The following AP5B1 variants were observed in gnomAD, a reference collection of about 807,000 sequenced individuals.
AP5B1 encodes the protein adaptor related protein complex 5 subunit beta 1.
Under a neutral mutation model 5.7 loss-of-function variants are expected in AP5B1, and 3 were observed. That is an observed-to-expected ratio of 0.53 (90% confidence interval 0.24 to 1.36). The LOEUF is 1.36. Among genes scored for constraint, AP5B1 ranks in the 40% most tolerant of loss-of-function variants. The pLI, the probability that AP5B1 is intolerant of heterozygous loss-of-function variation, is 0.17. For synonymous variants in AP5B1, 696 were observed against 555.5 expected (o/e 1.25, Z -3.56); for missense variants, 1,310 against 1,143.2 (o/e 1.15, Z -2.10).
rs939595438 is a variant in AP5B1, at chr11:65,777,850, C to A, written c.*6G>T. On this transcript the variant is annotated 3_prime_UTR_variant, in exon 2 of 2. Coordinates refer to ENST00000532090, the MANE Select transcript of AP5B1 (RefSeq NM_138368.5). ...ACAGTCCTGCCCCCACCTGGTCTCC[C>A]GGGGCTCAGACAGCAGCCGCCAGCC... is the stretch of plus-strand genomic sequence containing the variant. 21 of 1,514,482 alleles carry A rather than the reference C, an allele frequency of 1.4e-5. No homozygotes were observed. The highest frequency in any genetic ancestry group is 1.8e-5 in the Non-Finnish European group (20 of 1,128,108). The allele number at this position is 1,514,482 out of a possible 1,614,324, so 93.8% of individuals were successfully genotyped here.
At position 65,777,869 on chromosome 11, in the gene AP5B1, G is replaced by T; in HGVS notation, c.2624C>A (p.Ala875Glu). 6.5e-7 allele frequency: 1 copy of T among 1,528,216 alleles called. No homozygotes were observed. 94.7% of individuals were successfully genotyped at this position (1,528,216 alleles called of 1,614,324 possible). A position where few individuals can be genotyped will look rare whatever the true frequency, so the allele number is the denominator to read the frequency against. ...PLAGDYLRGL[A>E]AAV is the part of the protein sequence containing the mutation. ...GTCTCCCGGGGCTCAGACAGCAGCC[G>T]CCAGCCCACGGAGGTAGTCCCCCGC... Residue 875 changes from alanine (A) to glutamate (E), a missense_variant, in exon 2 of 2, where the codon GCG (alanine) becomes GAG (glutamate). Physicochemically the swap from Ala to Glu is moderately radical, Grantham distance 107. Coordinates refer to ENST00000532090, the MANE Select transcript of AP5B1 (RefSeq NM_138368.5).
chr11:65,778,932 C>T lies in AP5B1; in HGVS notation c.1561G>A (p.Val521Met). 1 of 1,613,010 alleles carries T rather than the reference C, an allele frequency of 6.2e-7. No homozygotes were observed. Among genetic ancestry groups the T allele is most frequent in the Non-Finnish European group, 8.5e-7 (1 of 1,179,802 alleles). ...VDSELREPLK[V>M]VLRQVVVSRP... Reference sequence around the variant, plus strand: ...GACACCACCACCTGCCGCAACACCACCTTCAGGGGCTCCCTCAGCTCAGAG... The same window carrying T: ...GACACCACCACCTGCCGCAACACCATCTTCAGGGGCTCCCTCAGCTCAGAG... The change falls in exon 2 of 2, where the codon GTG (valine) becomes ATG (methionine). Residue 521 changes from valine to methionine, a missense_variant. Transcript: ENST00000532090.
Position 65,780,783 on chromosome 11 carries a change from GC to G in AP5B1, c.-193del, listed in dbSNP as rs970389075. 2.1e-6 allele frequency: 1 copy of G among 472,480 alleles called. No individual in the cohort carries two copies. The highest frequency in any genetic ancestry group is 3.3e-6 in the Non-Finnish European group (1 of 299,778). The allele number at this position is 472,480 out of a possible 1,614,324, so 29.3% of individuals were successfully genotyped here. On this transcript the variant is annotated 5_prime_UTR_variant, in exon 1 of 2. Coordinates refer to ENST00000532090, the MANE Select transcript of AP5B1 (RefSeq NM_138368.5). ...GCCGACGCCAGAGCTGGGCGCCGGG[GC>G]CCTCGCGGGACAGGACAGGAGCAGG...
Position 65,775,245 on chromosome 11 carries a change from T to C in AP5B1, c.*2611A>G, listed in dbSNP as rs879430955. ...CATCTGGTGTCCACAACTGGAGGAA[T>C]GGATGGATAAAATGGGATGGATGCA... On this transcript the variant is annotated 3_prime_UTR_variant, in exon 2 of 2. Transcript: ENST00000532090. 6.6e-6 allele frequency among the ~76,000 whole-genome samples: 1 copy of C among 152,052 alleles called. No homozygotes were observed. The highest frequency in any genetic ancestry group is 2.4e-5 in the African/African-American group (1 of 41,384).
In AP5B1 at chr11:65,776,496, G is replaced by GC. The variant is rs1234411099; in HGVS notation, c.*1359dup. ...AGAGCTGTTGCAAGGATGAAATGAG[G>GC]CAACGTACATGTGCCTGGCAGCACA... is the stretch of plus-strand genomic sequence containing the variant. On this transcript the variant is annotated 3_prime_UTR_variant, in exon 2 of 2. Coordinates refer to ENST00000532090, the MANE Select transcript of AP5B1 (RefSeq NM_138368.5). 1 of 152,082 alleles carries GC rather than the reference G, an allele frequency of 6.6e-6. No homozygotes were observed. The highest frequency in any genetic ancestry group is 1.5e-5 in the Non-Finnish European group (1 of 68,022). 9.4% of individuals were successfully genotyped at this position (152,082 alleles called of 1,614,324 possible). A position where few individuals can be genotyped will look rare whatever the true frequency, so the allele number is the denominator to read the frequency against.
Position 65,779,702 on chromosome 11 carries a change from G to GCC in AP5B1, c.789_790dup (p.Ala264GlyfsTer9). On this transcript the variant is annotated frameshift_variant, in exon 2 of 2. Coordinates refer to ENST00000532090, the MANE Select transcript of AP5B1 (RefSeq NM_138368.5). LOFTEE classifies it low-confidence loss of function (END_TRUNC). ...GATCACCGCAGCCCGCAGCTCCCGCGCCTCCTCAGGGCTGTGCTCTCGTGC... is the reference window on the plus strand; with the variant it reads ...GATCACCGCAGCCCGCAGCTCCCGCGCCCCTCCTCAGGGCTGTGCTCTCGTGC... The GCC allele has an allele frequency of 6.2e-7, 1 of 1,611,936 alleles. No individual in the cohort carries two copies. The highest frequency in any genetic ancestry group is 8.5e-7 in the Non-Finnish European group (1 of 1,179,390).
Position 65,779,219 on chromosome 11 carries a change from T to C in AP5B1, c.1274A>G (p.Glu425Gly). 1 of 1,603,360 alleles carries C rather than the reference T, an allele frequency of 6.2e-7. No individual in the cohort carries two copies. The highest frequency in any genetic ancestry group is 1.3e-5 in the African/African-American group (1 of 74,842). Residue 425 changes from glutamate to glycine, a missense_variant, in exon 2 of 2, where the codon GAG (glutamate) becomes GGG (glycine). Physicochemically the swap from Glu to Gly is moderately conservative, Grantham distance 98. Coordinates refer to ENST00000532090, the MANE Select transcript of AP5B1 (RefSeq NM_138368.5). Reference sequence around the variant, plus strand: ...CTGGCCTTTCTCCTCTTCTTCCTCCTCGGCACAGAGCAGGCACAGTAAATG... The same window carrying C: ...CTGGCCTTTCTCCTCTTCTTCCTCCCCGGCACAGAGCAGGCACAGTAAATG... ...RLHLLCLLCA[E>G]EEEEEKGQLP...
In AP5B1 at chr11:65,780,410, C is replaced by T. The variant is rs930675146; in HGVS notation, c.150+32G>A. The T allele has an allele frequency of 1.9e-5, 28 of 1,469,712 alleles. No homozygotes were observed. The African/African-American group carries it at 3.8e-4, about 20-fold the overall frequency. 91.0% of individuals were successfully genotyped at this position (1,469,712 alleles called of 1,614,324 possible). Reference sequence around the variant, plus strand: ...GACGCGGCGGGCTGGGGTGACCCTGCGGAACGGCGCAGGGGACGCGTGGGG... The same window carrying T: ...GACGCGGCGGGCTGGGGTGACCCTGTGGAACGGCGCAGGGGACGCGTGGGG... On this transcript the variant is annotated intron_variant, in intron 1 of 1. Coordinates refer to ENST00000532090, the MANE Select transcript of AP5B1 (RefSeq NM_138368.5).
In AP5B1 at chr11:65,779,799, C is replaced by T. The variant is rs1163716663; in HGVS notation, c.694G>A (p.Asp232Asn). 6.3e-7 allele frequency: 1 copy of T among 1,583,436 alleles called. No individual in the cohort carries two copies. Among genetic ancestry groups the T allele is most frequent in the Non-Finnish European group, 8.6e-7 (1 of 1,165,338 alleles). ...PWDWTLVEEGDGRLQPQAPSW... is the reference protein window; with the variant it reads ...PWDWTLVEEGNGRLQPQAPSW... ...GGTGCCTGGGGCTGAAGGCGTCCAT[C>T]GCCCTCCTCCACTAGTGTCCAATCC... The change falls in exon 2 of 2, where the codon GAT becomes AAT. Residue 232 changes from aspartate to asparagine, a missense_variant. By Grantham distance (23) the Asp-to-Asn change is conservative. Coordinates refer to ENST00000532090, the MANE Select transcript of AP5B1 (RefSeq NM_138368.5).
chr11:65,778,646 T>C lies in AP5B1; in HGVS notation c.1847A>G (p.Tyr616Cys). The change falls in exon 2 of 2, where the codon TAC becomes TGC. Residue 616 changes from tyrosine to cysteine, a missense_variant. Physicochemically the swap from Tyr to Cys is radical, Grantham distance 194 (BLOSUM62 -2). Transcript: ENST00000532090. ...TGCTGCCAGGTGTGCCAGCAGGATGTAGTAGAGGCGGGCGTGGTCACGCCC... is the reference window on the plus strand; with the variant it reads ...TGCTGCCAGGTGTGCCAGCAGGATGCAGTAGAGGCGGGCGTGGTCACGCCC... ...PDGRDHARLY[Y>C]ILLAHLAAPK... The C allele has an allele frequency of 6.3e-7, 1 of 1,594,258 alleles. No individual in the cohort carries two copies.
Position 65,780,218 on chromosome 11 carries a change from A to G in AP5B1, c.275T>C (p.Leu92Pro), listed in dbSNP as rs1857832085. ...LVLLPPRPSA[L>P]RRPLLLAATT... ...GGCCGCCAGCAGCAGTGGCCGACGGAGAGCTGAGGGCCGCGGGGGTAGGAG... is the reference window on the plus strand; with the variant it reads ...GGCCGCCAGCAGCAGTGGCCGACGGGGAGCTGAGGGCCGCGGGGGTAGGAG... Residue 92 changes from leucine (L) to proline (P), a missense_variant, in exon 2 of 2, where the codon CTC becomes CCC. Physicochemically the swap from Leu to Pro is moderately conservative, Grantham distance 98 (BLOSUM62 -3). Transcript: ENST00000532090. 4 of 1,508,004 alleles carry G rather than the reference A, an allele frequency of 2.7e-6. No homozygotes were observed. The highest frequency in any genetic ancestry group is 3.5e-6 in the Non-Finnish European group (4 of 1,131,512). 93.4% of individuals were successfully genotyped at this position (1,508,004 alleles called of 1,614,324 possible). A position where few individuals can be genotyped will look rare whatever the true frequency, so the allele number is the denominator to read the frequency against.
At position 65,779,029 on chromosome 11, in the gene AP5B1, G is replaced by C; in HGVS notation, c.1464C>G (p.His488Gln). ...GQPTVLTPLI[H>Q]GLAQLYQARP... is the part of the protein sequence containing the mutation. ...GGGCTTGGTACAGCTGGGCCAGTCC[G>C]TGGATCAAGGGGGTCAGCACCGTAG... The change falls in exon 2 of 2, where the codon CAC becomes CAG. Residue 488 changes from histidine (H) to glutamine (Q), a missense_variant. By Grantham distance (24) the His-to-Gln change is conservative. Transcript: ENST00000532090. 3.1e-6 allele frequency: 5 copies of C among 1,607,588 alleles called. 1 individual carries two copies. The South Asian group carries it at 5.5e-5, about 18-fold the overall frequency.
Position 65,779,920 on chromosome 11 carries a change from G to A in AP5B1, c.573C>T (p.Leu191=), listed in dbSNP as rs747220886. Residue 191 remains leucine, a synonymous_variant, in exon 2 of 2, where the codon CTC becomes CTT. Transcript: ENST00000532090. ...PVQPLSLLLA[L]ALRNTLVLQS... The stretch of plus-strand genomic sequence containing the variant: ...GGAGCACCAAGGTGTTGCGCAAAGC[G>A]AGGGCCAGCAACAGGCTGAGTGGCT... The A allele has an allele frequency of 1.9e-5, 31 of 1,590,772 alleles. No individual in the cohort carries two copies. Among genetic ancestry groups the A allele is most frequent in the Non-Finnish European group, 2.5e-5 (29 of 1,168,772 alleles).
rs1281464307 is a variant in AP5B1, at chr11:65,778,274, A to C, written c.2219T>G (p.Val740Gly). ...PRCPAPARLD[V>G]HALYTTSTGL... ...AGTGGATGTGGTGTAAAGGGCATGG[A>C]CATCCAGCCGTGCGGGGGCCGGGCA... The change falls in exon 2 of 2, where the codon GTC (valine) becomes GGC (glycine). Residue 740 changes from valine to glycine, a missense_variant. Physicochemically the swap from Val to Gly is moderately radical, Grantham distance 109. Coordinates refer to ENST00000532090, the MANE Select transcript of AP5B1 (RefSeq NM_138368.5). 24 of 1,613,196 alleles carry C rather than the reference A, an allele frequency of 1.5e-5. No individual in the cohort carries two copies. The highest frequency in any genetic ancestry group is 1.9e-5 in the Non-Finnish European group (22 of 1,179,882).
In AP5B1 at chr11:65,777,721, G is replaced by T; in HGVS notation, c.*135C>A. On this transcript the variant is annotated 3_prime_UTR_variant, in exon 2 of 2. Transcript: ENST00000532090. ...GACAGACCCTCACCCCCAGGAGCCT[G>T]CTCCCAACCGGGGCCCAAAAGAAAA... is the stretch of plus-strand genomic sequence containing the variant. The T allele has an allele frequency of 9.3e-7, 1 of 1,072,964 alleles. No individual in the cohort carries two copies. Among genetic ancestry groups the T allele is most frequent in the Non-Finnish European group, 1.3e-6 (1 of 772,212 alleles). 66.5% of individuals were successfully genotyped at this position (1,072,964 alleles called of 1,614,324 possible).
In AP5B1 at chr11:65,774,640, C is replaced by T. The variant is rs1352124618; in HGVS notation, c.*3216G>A. ...GCCAGGCTGGTCTCAAATTCTTCAC[C>T]TCAGGTAATCAACCCACCTCGGCCT... On this transcript the variant is annotated 3_prime_UTR_variant, in exon 2 of 2. Transcript: ENST00000532090. Among the ~76,000 whole-genome samples, 3 of 152,172 alleles carry T rather than the reference C, an allele frequency of 2.0e-5. No homozygotes were observed. Among genetic ancestry groups the T allele is most frequent in the Non-Finnish European group, 4.4e-5 (3 of 68,042 alleles).
At position 65,774,163 on chromosome 11, in the gene AP5B1, T is replaced by G. The variant is rs1156681185; in HGVS notation, c.*3693A>C. On this transcript the variant is annotated 3_prime_UTR_variant, in exon 2 of 2. Transcript: ENST00000532090. ...CATCAGGGCCAGGAATTGTTTTAAG[T>G]TTTTTCTGAGATTCCCTCGGCCACG... 6.6e-6 allele frequency among the ~76,000 whole-genome samples: 1 copy of G among 152,188 alleles called. No homozygotes were observed. The highest frequency in any genetic ancestry group is 2.4e-5 in the African/African-American group (1 of 41,436).
Position 65,779,712 on chromosome 11 carries a change from GGCTGTGCTCTCGT to G in AP5B1, c.768_780del (p.Arg257LeufsTer11), listed in dbSNP as rs1408720735. On this transcript the variant is annotated frameshift_variant, in exon 2 of 2. Coordinates refer to ENST00000532090, the MANE Select transcript of AP5B1 (RefSeq NM_138368.5). LOFTEE classifies it low-confidence loss of function (END_TRUNC). ...GCCCGCAGCTCCCGCGCCTCCTCAGGGCTGTGCTCTCGTGCTGTAAGGCTACGCTCCCCCTCTC... is the reference window on the plus strand; with the variant it reads ...GCCCGCAGCTCCCGCGCCTCCTCAGGGCTGTAAGGCTACGCTCCCCCTCTC... 8.7e-6 allele frequency: 14 copies of G among 1,611,050 alleles called. No individual in the cohort carries two copies. Among genetic ancestry groups the G allele is most frequent in the Non-Finnish European group, 1.2e-5 (14 of 1,178,830 alleles).
chr11:65,780,081 C>T lies in AP5B1; in HGVS notation c.412G>A (p.Val138Ile). 6.5e-7 allele frequency: 1 copy of T among 1,540,338 alleles called. No individual in the cohort carries two copies. Among genetic ancestry groups the T allele is most frequent in the Non-Finnish European group, 8.8e-7 (1 of 1,142,584 alleles). ...AAGSDLGRGF[V>I]PASEQRPLQA... Reference sequence around the variant, plus strand: ...AAGGGGCGCTGTTCCGAGGCGGGGACAAAGCCTCGCCCCAGATCGCTACCC... The same window carrying T: ...AAGGGGCGCTGTTCCGAGGCGGGGATAAAGCCTCGCCCCAGATCGCTACCC... The change falls in exon 2 of 2, where the codon GTC (valine) becomes ATC (isoleucine). Residue 138 changes from valine (V) to isoleucine (I), a missense_variant. Coordinates refer to ENST00000532090, the MANE Select transcript of AP5B1 (RefSeq NM_138368.5).
Sources: gnomAD v4.1 joint callset for allele counts (sites outside exome capture counted in the v4.1 genomes callset) on GRCh38, gnomAD v4.1.1 for gene constraint, MANE v1.5 for transcripts, NCBI Gene and HGNC (gene_info 2026-07-23, HGNC 2026-07-21) for gene names.